The following KIAA0319 variants were observed in gnomAD, a reference collection of about 807,000 sequenced individuals.
KIAA0319 encodes the protein KIAA0319, also known as dyslexia-associated protein KIAA0319.
In KIAA0319, 83 loss-of-function variants were observed where a neutral mutation model predicts 108.4. The ratio of observed to expected loss-of-function variants is 0.77; its 90% confidence interval spans 0.64 to 0.92. The LOEUF (loss-of-function observed/expected upper bound fraction) is 0.92. Among genes scored for constraint, KIAA0319 ranks in the 40% least tolerant of loss-of-function variants. The probability of loss-of-function intolerance (pLI) is 0.00; values close to 1 mark genes in which losing one functional copy is unlikely to be tolerated. For missense variants in KIAA0319, 1,195 were observed against 1,322.4 expected (o/e 0.90, Z 1.49); for synonymous variants, 484 against 510.4 (o/e 0.95, Z 0.70).
At chr6:24,566,895 A>T (rs1763973096) in intron 13 of KIAA0319, 147 bp from the exon 14 acceptor site, 7 of 634,706 alleles carry the variant, frequency 1.1e-5, no homozygotes, top group Non-Finnish European at 1.8e-5. Context: ...TTTTTTCCCC[A>T]GATGCATATA....
chr6:24,601,206 G>T lies in KIAA0319; in HGVS notation c.-103C>A. The T allele has an allele frequency of 1.3e-6, 2 of 1,546,330 alleles. No individual in the cohort carries two copies. Among genetic ancestry groups the T allele is most frequent in the East Asian group, 2.3e-5 (1 of 43,454 alleles). ...TTTTAGGAGCCAGATTTGGCCTCAA[G>T]AACTTCAAAGGAAAAACATAAAAGA... On this transcript the variant is annotated splice_region_variant and 5_prime_UTR_variant, in exon 2 of 21. Coordinates refer to ENST00000378214, the MANE Select transcript of KIAA0319 (RefSeq NM_014809.4).
At chr6:24,575,784 T>A (rs1370837110) in intron 10 of KIAA0319, among the ~76,000 whole-genome samples, 1 of 151,476 alleles carries the variant, frequency 6.6e-6, no homozygotes, top group Non-Finnish European at 1.5e-5. Flanking sequence ...ATAACATAAC[T>A]TCAAAAACAC....
chr6:24,574,673 T>A (rs2744557), intron 10 of KIAA0319, among the ~76,000 whole-genome samples: 31,187 of 152,160 alleles, frequency 0.2, 3,479 homozygotes, highest in African/African-American at 0.31. Flanking sequence ...AGATTGTCTA[T>A]AGATAAATGT....
At chr6:24,551,090 T>C (rs1343944982) in intron 20 of KIAA0319, among the ~76,000 whole-genome samples, 3 of 151,946 alleles carry the variant, frequency 2.0e-5, no homozygotes, top group African/African-American at 7.3e-5. Context: ...GCTATTCTTC[T>C]GCCTCAGCCT....
At position 24,553,340 on chromosome 6, in the gene KIAA0319, CATAT is replaced by C. The variant is rs71542684; in HGVS notation, c.2948+1197_2948+1200del. Among the ~76,000 whole-genome samples, 183 of 125,826 alleles carry C rather than the reference CATAT, an allele frequency of 1.5e-3. 1 individual carries two copies. Among genetic ancestry groups the C allele is most frequent in the African/African-American group, 6.0e-3 (174 of 29,022 alleles). 82.5% of individuals were successfully genotyped at this position (125,826 alleles called of 152,430 possible). ...ACACACACACACACACACACACGCACATATATATATATATATATCTGTATGTATG... is the reference window on the plus strand; with the variant it reads ...ACACACACACACACACACACACGCACATATATATATATATCTGTATGTATG... On this transcript the variant is annotated intron_variant, in intron 19 of 20. Coordinates refer to ENST00000378214, the MANE Select transcript of KIAA0319 (RefSeq NM_014809.4).
At chr6:24,602,829 A>T (rs112112399) in intron 1 of KIAA0319, among the ~76,000 whole-genome samples, 3,575 of 152,278 alleles carry the variant, frequency 0.023, 77 homozygotes, top group African/African-American at 0.046. Flanking sequence ...AAAGAAAAAA[A>T]GAAATGCTTC....
intron 11 of KIAA0319, among the ~76,000 whole-genome samples, chr6:24,570,698 A>AAG (rs1236699494): frequency 1.4e-5 from 2 of 142,762 alleles, no homozygotes; most frequent in Non-Finnish European, 3.1e-5. Flanking sequence ...GGGAGGGAGG[A>AAG]AGAGAGAGAG....
chr6:24,640,430 T>C (rs1412696310), intron 1 of KIAA0319, among the ~76,000 whole-genome samples: 3 of 152,062 alleles, frequency 2.0e-5, no homozygotes, highest in African/African-American at 2.4e-5. Context: ...CTTGGAAGAG[T>C]TGGCATATTT....
At position 24,596,303 on chromosome 6, in the gene KIAA0319, C is replaced by T. The variant is rs761278393; in HGVS notation, c.371G>A (p.Gly124Asp). The T allele has an allele frequency of 3.7e-6, 6 of 1,614,146 alleles. No individual in the cohort carries two copies. Among genetic ancestry groups the T allele is most frequent in the South Asian group, 3.3e-5 (3 of 91,090 alleles). Reference sequence around the variant, plus strand: ...GTCCCCCCAGATCCCCGAGGGGGAGCCCCTGTTCAGCATCATGTCCCCATA... The same window carrying T: ...GTCCCCCCAGATCCCCGAGGGGGAGTCCCTGTTCAGCATCATGTCCCCATA... ...LDYGDMMLNR[G>D]SPSGIWGDSP... The change falls in exon 3 of 21, where the codon GGC becomes GAC. Residue 124 changes from glycine (G) to aspartate (D), a missense_variant. Gly to Asp is a moderately conservative substitution (Grantham distance 94). Transcript: ENST00000378214.
chr6:24,594,093 G>A (rs370630634), intron 3 of KIAA0319, among the ~76,000 whole-genome samples: 2 of 151,172 alleles, frequency 1.3e-5, no homozygotes, highest in African/African-American at 4.9e-5. Flanking sequence ...CAGCTACTCA[G>A]GAGTCTGAGG....
chr6:24,630,938 T>C (rs1775504128), intron 1 of KIAA0319, among the ~76,000 whole-genome samples: 1 of 152,188 alleles, frequency 6.6e-6, no homozygotes. Flanking sequence ...GCTGCAGCTT[T>C]TGTATCTGAA....
Position 24,599,989 on chromosome 6 carries a change from G to T in KIAA0319, c.55+1060C>A, listed in dbSNP as rs1440748919. ...CTCCAGCTACAAAACAATTCAATTG[G>T]TTTTTTTCCAAAATAAACCCTCAGC... is the stretch of plus-strand genomic sequence containing the variant. On this transcript the variant is annotated intron_variant, in intron 2 of 20. Transcript: ENST00000378214. This position sits in a 1 kb window ranked among gnomAD's most constrained non-coding sequence, Gnocchi z 4.1. Among the ~76,000 whole-genome samples the T allele has an allele frequency of 2.7e-5, 4 of 150,890 alleles. No homozygotes were observed. Among genetic ancestry groups the T allele is most frequent in the African/African-American group, 7.3e-5 (3 of 40,886 alleles).
At chr6:24,615,216 AG>A (rs548316911) in intron 1 of KIAA0319, among the ~76,000 whole-genome samples, 73 of 152,330 alleles carry the variant, frequency 4.8e-4, no homozygotes, top group African/African-American at 1.7e-3. Flanking sequence ...TAATAATAAA[AG>A]ACTGGAAACA....
chr6:24,612,681 G>A (rs1348221680), intron 1 of KIAA0319, among the ~76,000 whole-genome samples: 1 of 152,092 alleles, frequency 6.6e-6, no homozygotes. Flanking sequence ...AAGCGAATGG[G>A]GTGGGAAAAA....
chr6:24,617,968 C>T (rs897917951), intron 1 of KIAA0319, among the ~76,000 whole-genome samples: 1 of 151,876 alleles, frequency 6.6e-6, no homozygotes, highest in Non-Finnish European at 1.5e-5. Flanking sequence ...GCCTGGGTGA[C>T]AGAGTGAGAC....
At chr6:24,584,765 A>G (rs748840549) in intron 4 of KIAA0319, among the ~76,000 whole-genome samples, 1 of 152,246 alleles carries the variant, frequency 6.6e-6, no homozygotes, top group Non-Finnish European at 1.5e-5. Context: ...TTTAATTTAA[A>G]TGTATTCATT....
At chr6:24,577,270 AG>A (rs1410779597) in intron 9 of KIAA0319, among the ~76,000 whole-genome samples, 1 of 152,230 alleles carries the variant, frequency 6.6e-6, no homozygotes, top group Non-Finnish European at 1.5e-5. Context: ...TTCTGCCTGC[AG>A]GTTGAGCATG....
intron 1 of KIAA0319, among the ~76,000 whole-genome samples, chr6:24,610,247 A>G (rs1004829771): frequency 1.3e-5 from 2 of 152,160 alleles, no homozygotes; most frequent in African/African-American, 2.4e-5. Context: ...TAATAAAAAG[A>G]CAAATCATTT....
chr6:24,574,726 G>T (rs1765219413), intron 10 of KIAA0319, among the ~76,000 whole-genome samples: 1 of 152,048 alleles, frequency 6.6e-6, no homozygotes, highest in South Asian at 2.1e-4. Flanking sequence ...AATTTAAAAA[G>T]AAAATTGTTA....
Sources: allele counts gnomAD v4.1 joint callset (sites outside exome capture counted in the v4.1 genomes callset), GRCh38; gene constraint gnomAD v4.1.1; non-coding constraint Gnocchi (gnomAD v3.1); transcripts MANE v1.5; gene names NCBI Gene and HGNC (gene_info 2026-07-23, HGNC 2026-07-21).